The following ZNF831 variants were observed in gnomAD, a reference collection of about 807,000 sequenced individuals.
ZNF831 encodes the protein zinc finger protein 831.
Under a neutral mutation model 95.8 loss-of-function variants are expected in ZNF831, and 59 were observed. The observed-to-expected ratio is 0.62, with a 90% CI of 0.50 to 0.77. The LOEUF (loss-of-function observed/expected upper bound fraction) is 0.77. ZNF831 is among the 30% of genes least tolerant of loss of function. The pLI, the probability that ZNF831 is intolerant of heterozygous loss-of-function variation, is 0.00. For synonymous variants in ZNF831, 961 were observed against 925.5 expected (o/e 1.04, Z -0.70); for missense variants, 2,205 against 2,164.0 (o/e 1.02, Z -0.38).
At chr20:59,196,720 GCATTTATACTC>G (rs1227742656) in intron 3 of ZNF831, among the ~76,000 whole-genome samples, 1 of 152,096 alleles carries the variant, frequency 6.6e-6, no homozygotes, top group African/African-American at 2.4e-5. Flanking sequence ...GATCCCTGAA[GCATTTATACTC>G]CACACCTCAG....
intron 4 of ZNF831, among the ~76,000 whole-genome samples, chr20:59,213,090 T>G (rs766702043): frequency 6.6e-6 from 1 of 152,216 alleles, no homozygotes; most frequent in Non-Finnish European, 1.5e-5. Flanking sequence ...TTTGGAAAGA[T>G]TGATAAAGCT....
chr20:59,147,692 A>G (rs1479425638), intron 2 of ZNF831, among the ~76,000 whole-genome samples: 1 of 152,264 alleles, frequency 6.6e-6, no homozygotes, highest in Non-Finnish European at 1.5e-5. Context: ...ATCAGATATC[A>G]TAACTGGAGA....
At chr20:59,189,710 C>T (rs1415425695) in intron 1 of ZNF831, among the ~76,000 whole-genome samples, 6 of 152,268 alleles carry the variant, frequency 3.9e-5, no homozygotes, top group Admixed American at 6.5e-5. Flanking sequence ...GGGGTTTCAC[C>T]GTGTTGGACA....
intron 1 of ZNF831, among the ~76,000 whole-genome samples, chr20:59,137,629 C>A (rs189616767): frequency 9.0e-4 from 137 of 152,332 alleles, no homozygotes; most frequent in Non-Finnish European, 1.1e-3. Flanking sequence ...CCAGAGTCAA[C>A]CTGCAGTTTT....
Position 59,253,880 on chromosome 20 carries a change from C to CACTTT in ZNF831, c.4189-18_4189-17insACTTT. The stretch of plus-strand genomic sequence containing the variant: ...AACCTCCCCCCCCACTTTTTTTTTC[C>CACTTT]TTTGCACTTTGTTGCAGGATATTTC... On this transcript the variant is annotated splice_polypyrimidine_tract_variant and intron_variant, in intron 5 of 5. Transcript: ENST00000371030. 3.2e-6 allele frequency: 2 copies of CACTTT among 621,690 alleles called. No homozygotes were observed. The highest frequency in any genetic ancestry group is 4.6e-6 in the Non-Finnish European group (2 of 439,402). 38.5% of individuals were successfully genotyped at this position (621,690 alleles called of 1,614,324 possible).
At chr20:59,128,649 T>G (rs1225790603) in intron 1 of ZNF831, among the ~76,000 whole-genome samples, 1 of 152,180 alleles carries the variant, frequency 6.6e-6, no homozygotes, top group Non-Finnish European at 1.5e-5. Flanking sequence ...GGTAGCCACT[T>G]GTTGGGGGGC....
At chr20:59,163,818 G>T (rs1015151479), upstream of ZNF831, among the ~76,000 whole-genome samples, 4 of 151,734 alleles carry the variant, frequency 2.6e-5, no homozygotes, top group African/African-American at 9.7e-5. Context: ...CTATTTCTGG[G>T]CCATACCAAG....
chr20:59,188,783 T>G (rs1436286095), intron 1 of ZNF831, among the ~76,000 whole-genome samples: 1 of 152,274 alleles, frequency 6.6e-6, no homozygotes, highest in Non-Finnish European at 1.5e-5. Flanking sequence ...TTCCGTGGAC[T>G]GTTTTTTCAC....
rs932846847 is a variant in ZNF831 at position 59,164,098 on chromosome 20, G to A, written c.-146G>A. 6.6e-6 allele frequency among the ~76,000 whole-genome samples: 1 copy of A among 152,030 alleles called. No individual in the cohort carries two copies. The highest frequency in any genetic ancestry group is 6.5e-5 in the Admixed American group (1 of 15,268). Reference sequence around the variant, plus strand: ...CTCTTGAGCTCATCTCTTCTCTGTGGGGCCAGCCCAGTGGTCCTTTCTGGA... The same window carrying A: ...CTCTTGAGCTCATCTCTTCTCTGTGAGGCCAGCCCAGTGGTCCTTTCTGGA... On this transcript the variant is annotated 5_prime_UTR_variant, in exon 1 of 6. The change creates a premature stop within an existing upstream ORF in the 5' untranslated region. Coordinates refer to ENST00000371030, the MANE Select transcript of ZNF831 (RefSeq NM_178457.3).
intron 3 of ZNF831, among the ~76,000 whole-genome samples, chr20:59,201,623 C>A (rs2146623262): frequency 6.6e-6 from 1 of 152,172 alleles, no homozygotes; most frequent in South Asian, 2.1e-4. Context: ...GTCTATAATT[C>A]ATTTTCACTT....
intron 2 of ZNF831, among the ~76,000 whole-genome samples, chr20:59,156,594 T>G (rs921607055): frequency 2.6e-5 from 4 of 152,198 alleles, no homozygotes; most frequent in African/African-American, 9.6e-5. Flanking sequence ...GACACTCTGC[T>G]GTGTACTAGG....
chr20:59,130,389 G>A (rs1979313347), intron 1 of ZNF831, among the ~76,000 whole-genome samples: 1 of 152,126 alleles, frequency 6.6e-6, no homozygotes, highest in South Asian at 2.1e-4. Flanking sequence ...GGGCCCCTAA[G>A]TTTCCAGGGT....
Position 59,192,197 on chromosome 20 carries a change from G to C in ZNF831, c.1178G>C (p.Arg393Pro). The C allele has an allele frequency of 6.3e-7, 1 of 1,575,824 alleles. No homozygotes were observed. The highest frequency in any genetic ancestry group is 1.2e-5 in the South Asian group (1 of 86,866). Residue 393 changes from arginine to proline, a missense_variant, in exon 2 of 6, where the codon CGA becomes CCA. Physicochemically the swap from Arg to Pro is moderately radical, Grantham distance 103 (BLOSUM62 -2). Transcript: ENST00000371030. This position sits in a 1 kb window ranked among gnomAD's most constrained non-coding sequence, Gnocchi z 5.2. ...GTCGCAGGGGCCGAGCCCGGGGCGC[G>C]AGAAGCCGGCCTGGAGCTGGAGAAG... is the stretch of plus-strand genomic sequence containing the variant. The part of the protein sequence containing the change: ...PGVAGAEPGA[R>P]EAGLELEKKR...
chr20:59,203,540 A>T (rs1329114989), intron 3 of ZNF831, among the ~76,000 whole-genome samples: 1 of 152,228 alleles, frequency 6.6e-6, no homozygotes, highest in African/African-American at 2.4e-5. Context: ...TACGTGGCAC[A>T]GATTGTCTGT....
chr20:59,166,208 CAG>C (rs1170909064), intron 1 of ZNF831, among the ~76,000 whole-genome samples: 1 of 152,062 alleles, frequency 6.6e-6, no homozygotes, highest in Non-Finnish European at 1.5e-5. Context: ...ATGGTCTGTG[CAG>C]AGTCGGTGTT....
At chr20:59,252,061 C>G (rs1249254361) in intron 4 of ZNF831, among the ~76,000 whole-genome samples, 1 of 152,112 alleles carries the variant, frequency 6.6e-6, no homozygotes, top group Non-Finnish European at 1.5e-5. Flanking sequence ...CCTCCTCTCT[C>G]CCCATGAGAA....
chr20:59,138,788 A>G (rs1979588045), intron 1 of ZNF831, among the ~76,000 whole-genome samples: 1 of 152,244 alleles, frequency 6.6e-6, no homozygotes, highest in Non-Finnish European at 1.5e-5. Flanking sequence ...GACCTGAAGT[A>G]TAAAGCAGAA....
intron 1 of ZNF831, among the ~76,000 whole-genome samples, chr20:59,127,132 G>GGATCCTT (rs11471513): frequency 0.94 from 142,045 of 151,714 alleles, 66,775 homozygotes; most frequent in Non-Finnish European, 0.98. Context: ...AACTCTCGGA[G>GGATCCTT]GATCCTTTCT....
At chr20:59,165,740 C>T (rs1981204510) in intron 1 of ZNF831, among the ~76,000 whole-genome samples, 1 of 151,986 alleles carries the variant, frequency 6.6e-6, no homozygotes, top group Admixed American at 6.6e-5. Context: ...CCTTGTAGTT[C>T]CTTTTTTTTT....
Sources: gnomAD v4.1 joint callset for allele counts (sites outside exome capture counted in the v4.1 genomes callset) on GRCh38, gnomAD v4.1.1 for gene constraint, Gnocchi (gnomAD v3.1) non-coding constraint, MANE v1.5 for transcripts, NCBI Gene and HGNC (gene_info 2026-07-23, HGNC 2026-07-21) for gene names.